The following NCOA5 variants were observed in gnomAD, a reference collection of about 807,000 sequenced individuals.
NCOA5 encodes NCoA-5.
A neutral mutation model predicts 59.0 loss-of-function variants in NCOA5; 12 were observed. That is an observed-to-expected ratio of 0.20 (90% CI 0.13 to 0.33). The LOEUF is 0.33. Among genes scored for constraint, NCOA5 ranks in the 10% least tolerant of loss-of-function variants. The pLI is 1.00. For missense variants in NCOA5, 655 were observed against 766.6 expected (o/e 0.85, Z 1.72); for synonymous variants, 270 against 275.5 (o/e 0.98, Z 0.20).
Position 46,062,863 on chromosome 20 carries a change from C to A in NCOA5, c.1177G>T (p.Ala393Ser), listed in dbSNP as rs777833056. The change falls in exon 8 of 8, where the codon GCG becomes TCG. Residue 393 changes from alanine (A) to serine (S), a missense_variant. Around this residue, in one of 3 missense-constraint regions of NCOA5, gnomAD observed 325 missense variants for 353.2 expected, o/e 0.92. Transcript: ENST00000290231. Reference sequence around the variant, plus strand: ...GTCTTCAGCGAGGCACCCGAGGTCGCCCCGAGTGGTTGGCGGGAAATCGGG... The same window carrying A: ...GTCTTCAGCGAGGCACCCGAGGTCGACCCGAGTGGTTGGCGGGAAATCGGG... ...PGPISRQPLG[A>S]TSGASLKTQP... 11 of 1,519,026 alleles carry A rather than the reference C, an allele frequency of 7.2e-6. No homozygotes were observed. Among genetic ancestry groups the A allele is most frequent in the Non-Finnish European group, 8.8e-6 (10 of 1,134,804 alleles). The allele number at this position is 1,519,026 out of a possible 1,614,324, so 94.1% of individuals were successfully genotyped here. A position where few individuals can be genotyped will look rare whatever the true frequency, so the allele number is the denominator to read the frequency against.
Position 46,065,037 on chromosome 20 carries a change from G to A in NCOA5, c.821C>T (p.Thr274Ile), listed in dbSNP as rs759029135. 1.2e-5 allele frequency: 20 copies of A among 1,614,030 alleles called. No homozygotes were observed. The African/African-American group carries it at 1.9e-4, about 15-fold the overall frequency. Residue 274 changes from threonine (T) to isoleucine (I), a missense_variant, in exon 6 of 8, where the codon ACC becomes ATC. This residue lies in a region of NCOA5 where 80 missense variants were observed against 153.3 expected (regional missense o/e 0.52). Transcript: ENST00000290231. ...GTATTCTGACTCTGTACCTTGCGGG[G>A]TTCCAAACATGATGTTGACTGTGCA... ...RSCTVNIMFG[T>I]PQEHRNMPQA...
At chr20:46,074,147 A>G (rs1263918845) in intron 2 of NCOA5, among the ~76,000 whole-genome samples, 1 of 152,218 alleles carries the variant, frequency 6.6e-6, no homozygotes, top group African/African-American at 2.4e-5. Context: ...AAACAAAACA[A>G]AAAACCCTTT....
At chr20:46,086,950 T>C (rs1568889930) in intron 1 of NCOA5, among the ~76,000 whole-genome samples, 1 of 152,200 alleles carries the variant, frequency 6.6e-6, no homozygotes, top group Non-Finnish European at 1.5e-5. Context: ...TATCTCAACA[T>C]TTCCCAATTT....
chr20:46,068,344 T>A lies in NCOA5; in HGVS notation c.502+158A>T, dbSNP rs184920558. Among the ~76,000 whole-genome samples, 5 of 152,368 alleles carry A rather than the reference T, an allele frequency of 3.3e-5. No homozygotes were observed. In the East Asian group the frequency reaches 9.6e-4, roughly 29 times the overall value. Reference sequence around the variant, plus strand: ...TAAAAATCATTTTCAAGCCAAATGCTCTTTACCCACTAATAAGCTACTTAT... The same window carrying A: ...TAAAAATCATTTTCAAGCCAAATGCACTTTACCCACTAATAAGCTACTTAT... On this transcript the variant is annotated intron_variant, in intron 4 of 7. Coordinates refer to ENST00000290231, the MANE Select transcript of NCOA5 (RefSeq NM_020967.3).
intron 2 of NCOA5, among the ~76,000 whole-genome samples, chr20:46,078,640 G>A (rs2084962911): frequency 6.8e-6 from 1 of 146,968 alleles, no homozygotes. Context: ...ATCCACTTGT[G>A]TGCTGTTATG....
chr20:46,087,600 A>T (rs1185537638), intron 1 of NCOA5, among the ~76,000 whole-genome samples: 1 of 152,196 alleles, frequency 6.6e-6, no homozygotes, highest in African/African-American at 2.4e-5. Flanking sequence ...TCCACTAAAA[A>T]TATACAAAAT....
rs977901757 is a variant in NCOA5 at position 46,063,623 on chromosome 20, C to T, written c.887G>A (p.Arg296His). The change falls in exon 7 of 8, where the codon CGT becomes CAT. Residue 296 changes from arginine (R) to histidine (H), a missense_variant. Physicochemically the swap from Arg to His is conservative, Grantham distance 29. Around this residue, in one of 3 missense-constraint regions of NCOA5, gnomAD observed 80 missense variants for 153.3 expected, o/e 0.52. Coordinates refer to ENST00000290231, the MANE Select transcript of NCOA5 (RefSeq NM_020967.3). ...CTTCTCCCGGCACTCATTCTTGTAA[C>T]GCTCATAATTTCTGGCCACCAGCAC... is the stretch of plus-strand genomic sequence containing the variant. ...AMVLVARNYE[R>H]YKNECREKER... 1.9e-5 allele frequency: 30 copies of T among 1,614,032 alleles called. No homozygotes were observed. The highest frequency in any genetic ancestry group is 5.5e-5 in the South Asian group (5 of 91,090).
Position 46,063,391 on chromosome 20 carries a change from C to T in NCOA5, c.1119G>A (p.Arg373=). 1 of 1,613,752 alleles carries T rather than the reference C, an allele frequency of 6.2e-7. No homozygotes were observed. The highest frequency in any genetic ancestry group is 8.5e-7 in the Non-Finnish European group (1 of 1,180,038). ...IINYLRERKE[R]LMRSSTDSLP... ...GAGAGTCGGTGCTGCTCCTCATCAG[C>T]CGCTCCTTCCGCTCTCGCAGGTAGT... Residue 373 remains arginine (R), a synonymous_variant, in exon 7 of 8, where the codon CGG becomes CGA. Coordinates refer to ENST00000290231, the MANE Select transcript of NCOA5 (RefSeq NM_020967.3).
At chr20:46,080,749 C>T (rs550010324) in intron 1 of NCOA5, among the ~76,000 whole-genome samples, 17 of 152,122 alleles carry the variant, frequency 1.1e-4, no homozygotes, top group Middle Eastern at 3.4e-3. Flanking sequence ...TGAAGTATAT[C>T]TTAAATTGAT....
intron 1 of NCOA5, among the ~76,000 whole-genome samples, chr20:46,086,216 ACT>A (rs2085043823): frequency 6.6e-6 from 1 of 152,012 alleles, no homozygotes; most frequent in South Asian, 2.1e-4. Flanking sequence ...AAGACAAGAC[ACT>A]CTGTTTTCTA....
chr20:46,076,845 A>G (rs980712615), intron 2 of NCOA5, among the ~76,000 whole-genome samples: 6 of 152,148 alleles, frequency 3.9e-5, no homozygotes, highest in African/African-American at 1.4e-4. Flanking sequence ...TCATTTTACA[A>G]TTGATTTCTG....
chr20:46,070,386 G>C lies in NCOA5; in HGVS notation c.189C>G (p.His63Gln), dbSNP rs2084869693. The change falls in exon 3 of 8, where the codon CAC (histidine) becomes CAG (glutamine). Residue 63 changes from histidine (H) to glutamine (Q), a missense_variant. This residue lies in a region of NCOA5 where 250 missense variants were observed against 260.1 expected (regional missense o/e 0.96). Transcript: ENST00000290231. ...DIRDPRDLRDHRHSRDLRDHR... is the reference protein window; with the variant it reads ...DIRDPRDLRDQRHSRDLRDHR... Reference sequence around the variant, plus strand: ...GATCCCGCAAATCTCTACTATGTCTGTGGTCCCGCAAGTCTCGGGGGTCTC... The same window carrying C: ...GATCCCGCAAATCTCTACTATGTCTCTGGTCCCGCAAGTCTCGGGGGTCTC... 6.2e-6 allele frequency: 10 copies of C among 1,613,650 alleles called. No homozygotes were observed. Among genetic ancestry groups the C allele is most frequent in the Non-Finnish European group, 6.8e-6 (8 of 1,179,934 alleles).
At chr20:46,084,636 G>A (rs1361481788) in intron 1 of NCOA5, among the ~76,000 whole-genome samples, 2 of 152,186 alleles carry the variant, frequency 1.3e-5, no homozygotes, top group African/African-American at 2.4e-5. Context: ...AATCTGAGCT[G>A]TGGTCCTTAC....
At chr20:46,063,007 T>C (rs1410776519) in intron 7 of NCOA5, 118 bp from the exon 8 acceptor site, 3 of 856,458 alleles carry the variant, frequency 3.5e-6, no homozygotes, top group Non-Finnish European at 5.2e-6. Flanking sequence ...ACACAGACGA[T>C]AACATCAATT....
chr20:46,063,605 C>T lies in NCOA5; in HGVS notation c.905G>A (p.Arg302Gln), dbSNP rs200864304. 42 of 1,614,144 alleles carry T rather than the reference C, an allele frequency of 2.6e-5. No individual in the cohort carries two copies. In the East Asian group the frequency reaches 7.4e-4, roughly 28 times the overall value. ...RNYERYKNEC[R>Q]EKEREEIARQ... ...GGCAATCTCCTCACGTTCCTTCTCC[C>T]GGCACTCATTCTTGTAACGCTCATA... The change falls in exon 7 of 8, where the codon CGG becomes CAG. Residue 302 changes from arginine (R) to glutamine (Q), a missense_variant. Physicochemically the swap from Arg to Gln is conservative, Grantham distance 43 (BLOSUM62 1). Around this residue, in one of 3 missense-constraint regions of NCOA5, gnomAD observed 325 missense variants for 353.2 expected, o/e 0.92. Coordinates refer to ENST00000290231, the MANE Select transcript of NCOA5 (RefSeq NM_020967.3).
In NCOA5 at chr20:46,065,229, CTG is replaced by C. The variant is rs1600617314; in HGVS notation, c.630-3_630-2del. 6.2e-7 allele frequency: 1 copy of C among 1,614,124 alleles called. No individual in the cohort carries two copies. The highest frequency in any genetic ancestry group is 1.3e-5 in the African/African-American group (1 of 75,040). Reference sequence around the variant, plus strand: ...CCGCCCCACAGACTCAGCATAGTCTCTGTAAAAATAAATAAGATCCAGGTGAG... The same window carrying C: ...CCGCCCCACAGACTCAGCATAGTCTCTAAAAATAAATAAGATCCAGGTGAG... On this transcript the variant is annotated splice_acceptor_variant and splice_polypyrimidine_tract_variant and intron_variant, in intron 5 of 7. Coordinates refer to ENST00000290231, the MANE Select transcript of NCOA5 (RefSeq NM_020967.3). LOFTEE classifies it high-confidence loss of function.
At chr20:46,074,900 C>G (rs952331199) in intron 2 of NCOA5, among the ~76,000 whole-genome samples, 9 of 152,146 alleles carry the variant, frequency 5.9e-5, no homozygotes, top group African/African-American at 2.2e-4. Context: ...CTTTTTCTTT[C>G]TTTTCTGCAA....
chr20:46,082,916 T>C (rs1215467807), intron 1 of NCOA5, among the ~76,000 whole-genome samples: 1 of 152,190 alleles, frequency 6.6e-6, no homozygotes, highest in African/African-American at 2.4e-5. Flanking sequence ...TTTAGACTAA[T>C]ATGCCAGACA....
rs1372571305 is a variant in NCOA5, at chr20:46,070,225, C to T, written c.350G>A (p.Arg117Gln). 6 of 1,613,742 alleles carry T rather than the reference C, an allele frequency of 3.7e-6. No individual in the cohort carries two copies. Among genetic ancestry groups the T allele is most frequent in the East Asian group, 2.2e-5 (1 of 44,878 alleles). Reference sequence around the variant, plus strand: ...ACGTATGTACCTGTACATAGGATCTCGGGAGTCTCTCATGTCTCTGTATCT... The same window carrying T: ...ACGTATGTACCTGTACATAGGATCTTGGGAGTCTCTCATGTCTCTGTATCT... ...YDRYRDMRDS[R>Q]DPMYRREGSY... Residue 117 changes from arginine (R) to glutamine (Q), a missense_variant, in exon 3 of 8, where the codon CGA becomes CAA. Physicochemically the swap from Arg to Gln is conservative, Grantham distance 43. This residue lies in a region of NCOA5 where 250 missense variants were observed against 260.1 expected (regional missense o/e 0.96). Coordinates refer to ENST00000290231, the MANE Select transcript of NCOA5 (RefSeq NM_020967.3).
Sources: allele counts gnomAD v4.1 joint callset (sites outside exome capture counted in the v4.1 genomes callset), GRCh38; gene constraint gnomAD v4.1.1; regional missense constraint gnomAD v4.1.1; transcripts MANE v1.5; gene names NCBI Gene and HGNC (gene_info 2026-07-23, HGNC 2026-07-21).